Variants in YPEL2 observed in about 807,000 individuals in gnomAD.
YPEL2 encodes protein yippee-like 2.
Under a neutral mutation model 19.1 loss-of-function variants are expected in YPEL2, and 2 were observed. The ratio of observed to expected loss-of-function variants is 0.10; its 90% CI spans 0.04 to 0.33. The LOEUF (loss-of-function observed/expected upper bound fraction) is 0.33. YPEL2 is among the 10% of genes least tolerant of loss of function. YPEL2 has a pLI of 1.00. For missense variants in YPEL2, 66 were observed against 140.7 expected, an observed-to-expected ratio of 0.47 and a Z score of 2.68; for synonymous variants, 52 against 50.0, an observed-to-expected ratio of 1.04 and a Z score of -0.17.
intron 4 of YPEL2, among the ~76,000 whole-genome samples, chr17:59,396,333 C>T (rs879595496): frequency 4.6e-5 from 7 of 152,196 alleles, no homozygotes; most frequent in Non-Finnish European, 8.8e-5. Flanking sequence ...CTCTGCACTC[C>T]ATGAAGTTTA....
At position 59,389,474 on chromosome 17, in the gene YPEL2, T is replaced by C; in HGVS notation, c.270+6T>C. 1 of 1,611,100 alleles carries C rather than the reference T, an allele frequency of 6.2e-7. No homozygotes were observed. Among genetic ancestry groups the C allele is most frequent in the Non-Finnish European group, 8.5e-7 (1 of 1,178,606 alleles). The stretch of plus-strand genomic sequence containing the variant: ...CCACTCTGGGCTGGAAATACGTAAG[T>C]ATAAAGGAGTTTGGTTGGTAGAGGG... On this transcript the variant is annotated splice_donor_region_variant and intron_variant, in intron 4 of 4. Transcript: ENST00000312655.
intron 4 of YPEL2, among the ~76,000 whole-genome samples, chr17:59,390,167 AT>A (rs2048000596): frequency 6.6e-6 from 1 of 151,840 alleles, no homozygotes; most frequent in African/African-American, 2.4e-5. Context: ...TGCCTGGCTT[AT>A]TTTTTGTATT....
intron 4 of YPEL2, among the ~76,000 whole-genome samples, chr17:59,392,898 C>T (rs1356693564): frequency 1.3e-5 from 2 of 152,180 alleles, no homozygotes; most frequent in Middle Eastern, 3.2e-3. Flanking sequence ...GATCCCCCCA[C>T]CTTGGTCTCC....
chr17:59,378,666 A>G (rs2047934275), intron 2 of YPEL2, among the ~76,000 whole-genome samples: 1 of 152,082 alleles, frequency 6.6e-6, no homozygotes, highest in African/African-American at 2.4e-5. Flanking sequence ...ATAAAACACC[A>G]GCACCCAGGC....
intron 2 of YPEL2, chr17:59,362,586 C>T (rs2047846604): frequency 6.6e-6 from 1 of 152,120 alleles, no homozygotes; most frequent in Admixed American, 6.5e-5. Flanking sequence ...TTGACTTGAG[C>T]GATGAGGCGT....
chr17:59,358,633 G>A (rs1394162112), intron 2 of YPEL2, among the ~76,000 whole-genome samples: 3 of 152,084 alleles, frequency 2.0e-5, no homozygotes, highest in East Asian at 1.9e-4. Context: ...TTTTGAGACG[G>A]GGTTTCATTC....
intron 2 of YPEL2, among the ~76,000 whole-genome samples, chr17:59,364,863 C>CTCAG (rs1188162236): frequency 6.6e-6 from 1 of 152,084 alleles, no homozygotes; most frequent in East Asian, 1.9e-4. Context: ...AACTCCTGAC[C>CTCAG]TCAGGTGATC....
At chr17:59,380,545 C>T (rs958364598) in intron 2 of YPEL2, among the ~76,000 whole-genome samples, 1 of 152,198 alleles carries the variant, frequency 6.6e-6, no homozygotes, top group Non-Finnish European at 1.5e-5. Context: ...GCTAGGATTA[C>T]AAGCATGAGC....
chr17:59,352,239 G>A (rs2047791118), intron 1 of YPEL2, among the ~76,000 whole-genome samples: 1 of 152,214 alleles, frequency 6.6e-6, no homozygotes, highest in South Asian at 2.1e-4. Context: ...ACCCCTATTA[G>A]TGAAGCCCAG....
chr17:59,335,536 C>A (rs887395877), intron 1 of YPEL2, among the ~76,000 whole-genome samples: 52 of 151,972 alleles, frequency 3.4e-4, no homozygotes, highest in African/African-American at 1.2e-3. Context: ...GTAACTCTTT[C>A]CAGGATTCTT....
At chr17:59,386,639 G>A (rs1430427327) in intron 2 of YPEL2, among the ~76,000 whole-genome samples, 1 of 152,166 alleles carries the variant, frequency 6.6e-6, no homozygotes, top group Non-Finnish European at 1.5e-5. Flanking sequence ...CTGGAGTGGT[G>A]TTTGTGCTCC....
At chr17:59,374,181 T>G (rs7219530) in intron 2 of YPEL2, among the ~76,000 whole-genome samples, 3,249 of 152,236 alleles carry the variant, frequency 0.021, 104 homozygotes, top group East Asian at 0.12. Context: ...CCTGGCAGGG[T>G]TGGAGTGGGT....
chr17:59,355,623 C>G (rs1416945610), intron 2 of YPEL2: 1 of 152,198 alleles, frequency 6.6e-6, no homozygotes, highest in African/African-American at 2.4e-5. Context: ...TGAGCTCTTT[C>G]TTATACATCC....
intron 1 of YPEL2, among the ~76,000 whole-genome samples, chr17:59,344,031 GTTTCC>G (rs2047744174): frequency 6.6e-6 from 1 of 152,132 alleles, no homozygotes. Context: ...CATAAAGGGG[GTTTCC>G]TGCTTGGGCA....
chr17:59,349,499 A>G (rs1341694816), intron 1 of YPEL2, among the ~76,000 whole-genome samples: 1 of 150,690 alleles, frequency 6.6e-6, no homozygotes, highest in Non-Finnish European at 1.5e-5. Flanking sequence ...GGCGTGCGCT[A>G]CCATGCCTGG....
At chr17:59,335,550 C>A (rs1271268983) in intron 1 of YPEL2, among the ~76,000 whole-genome samples, 2 of 151,994 alleles carry the variant, frequency 1.3e-5, no homozygotes, top group South Asian at 4.1e-4. Context: ...GATTCTTTCT[C>A]CAGATTTTTC....
Position 59,353,752 on chromosome 17 carries a change from C to T in YPEL2, c.117+226C>T. ...AATGAGGTGTCATCCTTGTTGGAGG[C>T]TTTGGGAGCTGGCAGCTTGCAAGCC... On this transcript the variant is annotated intron_variant, in intron 2 of 4. Coordinates refer to ENST00000312655, the MANE Select transcript of YPEL2 (RefSeq NM_001005404.4). This position sits in a 1 kb window ranked among gnomAD's most constrained non-coding sequence, Gnocchi z 4.8. 2.0e-6 allele frequency: 1 copy of T among 496,592 alleles called. No individual in the cohort carries two copies. The highest frequency in any genetic ancestry group is 3.8e-6 in the Non-Finnish European group (1 of 263,976). The allele number at this position is 496,592 out of a possible 1,614,324, so 30.8% of individuals were successfully genotyped here. A position where few individuals can be genotyped will look rare whatever the true frequency, so the allele number is the denominator to read the frequency against.
At chr17:59,361,605 T>A (rs146395212) in intron 2 of YPEL2, among the ~76,000 whole-genome samples, 1 of 151,938 alleles carries the variant, frequency 6.6e-6, no homozygotes. Flanking sequence ...ATTACTCAGA[T>A]AGAGATCTTT....
At chr17:59,349,980 G>A (rs1267201187) in intron 1 of YPEL2, among the ~76,000 whole-genome samples, 1 of 152,118 alleles carries the variant, frequency 6.6e-6, no homozygotes, top group African/African-American at 2.4e-5. Context: ...TCTTGATCCT[G>A]CTTCTCCTTG....
Sources: allele counts gnomAD v4.1 joint callset (sites outside exome capture counted in the v4.1 genomes callset), GRCh38; gene constraint gnomAD v4.1.1; non-coding constraint Gnocchi (gnomAD v3.1); transcripts MANE v1.5; gene names NCBI Gene and HGNC (gene_info 2026-07-23, HGNC 2026-07-21).